EPS15: variants seen among roughly 807,000 people sequenced by gnomAD.
The protein encoded by EPS15 is epidermal growth factor receptor pathway substrate 15.
A neutral mutation model predicts 113.8 loss-of-function variants in EPS15; 72 were observed. The ratio of observed to expected loss-of-function variants is 0.63; its 90% CI spans 0.52 to 0.77. EPS15 has a LOEUF of 0.77. EPS15 is among the 30% of genes least tolerant of loss of function. The pLI is 0.00. For synonymous variants in EPS15, 344 were observed against 363.4 expected, an observed-to-expected ratio of 0.95 and a Z score of 0.61; for missense variants, 1,048 against 1,045.8, an observed-to-expected ratio of 1.00 and a Z score of -0.03.
intron 7 of EPS15, among the ~76,000 whole-genome samples, chr1:51,462,358 C>A (rs1654520239): frequency 1.4e-5 from 2 of 144,228 alleles, no homozygotes. Flanking sequence ...TGCTAAAATC[C>A]ATCTCAAAAA....
intron 8 of EPS15, among the ~76,000 whole-genome samples, chr1:51,452,417 T>C (rs2148488896): frequency 6.6e-6 from 1 of 152,266 alleles, no homozygotes; most frequent in East Asian, 1.9e-4. Context: ...CAAGTAGCTG[T>C]GACTACATGC....
intron 8 of EPS15, among the ~76,000 whole-genome samples, chr1:51,452,329 C>G (rs1192177877): frequency 6.6e-6 from 1 of 152,126 alleles, no homozygotes; most frequent in African/African-American, 2.4e-5. Context: ...GTTGCCCAGG[C>G]TGGAATGCAG....
At chr1:51,511,416 A>G (rs1446304268) in intron 1 of EPS15, among the ~76,000 whole-genome samples, 1 of 151,738 alleles carries the variant, frequency 6.6e-6, no homozygotes, top group African/African-American at 2.4e-5. Flanking sequence ...GAATTGCTTG[A>G]ACCCAGGGGT....
rs78009425 is a variant in EPS15, at chr1:51,505,826, C to G, written c.33+13373G>C. On this transcript the variant is annotated intron_variant, in intron 1 of 24. Transcript: ENST00000371733. Reference sequence around the variant, plus strand: ...TTATTTATTTTTTGAGATGGAGTCTCTGTCATCCAGGCTGGAGTGCAATGG... The same window carrying G: ...TTATTTATTTTTTGAGATGGAGTCTGTGTCATCCAGGCTGGAGTGCAATGG... 8.5e-3 allele frequency among the ~76,000 whole-genome samples: 1,289 copies of G among 152,062 alleles called. 16 individuals are homozygous for G. Among genetic ancestry groups the G allele is most frequent in the African/African-American group, 0.03 (1,238 of 41,530 alleles).
intron 1 of EPS15, among the ~76,000 whole-genome samples, chr1:51,517,996 A>G (rs1644756513): frequency 6.6e-6 from 1 of 152,208 alleles, no homozygotes; most frequent in African/African-American, 2.4e-5. Context: ...CCTTAGAAGC[A>G]CCGACGAATC....
At chr1:51,461,903 C>T (rs1654479609) in intron 7 of EPS15, 1 of 152,134 alleles carries the variant, frequency 6.6e-6, no homozygotes, top group African/African-American at 2.4e-5. Flanking sequence ...CAGGACTTAA[C>T]ATTCATTATC....
intron 12 of EPS15, among the ~76,000 whole-genome samples, chr1:51,429,821 T>G (rs980866249): frequency 6.6e-6 from 1 of 152,052 alleles, no homozygotes; most frequent in African/African-American, 2.4e-5. Context: ...TGGCTAATTT[T>G]TGTATTTTTA....
At chr1:51,415,442 TA>T (rs1650114585) in intron 13 of EPS15, among the ~76,000 whole-genome samples, 1 of 152,140 alleles carries the variant, frequency 6.6e-6, no homozygotes, top group African/African-American at 2.4e-5. Flanking sequence ...ACGATGTCCA[TA>T]TTAAAATTCA....
intron 21 of EPS15, among the ~76,000 whole-genome samples, chr1:51,374,729 G>C (rs1437783841): frequency 6.6e-6 from 1 of 152,096 alleles, no homozygotes; most frequent in Non-Finnish European, 1.5e-5. Context: ...TCAATGTGAG[G>C]CAAAATATTT....
chr1:51,491,895 C>A (rs531033575), intron 1 of EPS15, among the ~76,000 whole-genome samples: 1 of 144,158 alleles, frequency 6.9e-6, no homozygotes, highest in African/African-American at 2.7e-5. Context: ...CAGAGTGTTG[C>A]CCAGTCTGTT....
At chr1:51,427,827 A>C (rs1651356792) in intron 12 of EPS15, among the ~76,000 whole-genome samples, 1 of 152,318 alleles carries the variant, frequency 6.6e-6, no homozygotes, top group East Asian at 1.9e-4. Context: ...CAGCAGTAAG[A>C]AGCAGACTAA....
At chr1:51,381,908 A>G (rs992417138) in intron 21 of EPS15, among the ~76,000 whole-genome samples, 4 of 152,186 alleles carry the variant, frequency 2.6e-5, no homozygotes, top group Non-Finnish European at 5.9e-5. Flanking sequence ...CTAAAAAAAG[A>G]AAAGCAAGCT....
rs576745571 is a variant in EPS15 at position 51,457,159 on chromosome 1, C to T, written c.561+3932G>A. Among the ~76,000 whole-genome samples the T allele has an allele frequency of 6.6e-5, 10 of 152,040 alleles. No homozygotes were observed. The South Asian group carries it at 1.5e-3, about 22-fold the overall frequency. On this transcript the variant is annotated intron_variant, in intron 8 of 24. Coordinates refer to ENST00000371733, the MANE Select transcript of EPS15 (RefSeq NM_001981.3). ...AAAATTAGCCAGGCGTGGTGGCGGG[C>T]GCCTGTAGTCCCAGCTACTCAGGAG... is the stretch of plus-strand genomic sequence containing the variant.
At chr1:51,364,683 G>C (rs994474786) in intron 22 of EPS15, among the ~76,000 whole-genome samples, 1 of 151,796 alleles carries the variant, frequency 6.6e-6, no homozygotes, top group Admixed American at 6.6e-5. Flanking sequence ...TTATTTTGTA[G>C]AGATGGAGTT....
At chr1:51,455,322 A>G (rs141246049) in intron 8 of EPS15, among the ~76,000 whole-genome samples, 9,442 of 152,216 alleles carry the variant, frequency 0.062, 312 homozygotes, top group Non-Finnish European at 0.075. Flanking sequence ...GGGCACGGTG[A>G]CTCACACCTG....
chr1:51,371,350 C>T (rs1364857293), intron 21 of EPS15, among the ~76,000 whole-genome samples: 1 of 152,148 alleles, frequency 6.6e-6, no homozygotes, highest in African/African-American at 2.4e-5. Flanking sequence ...ATGTGTTTGA[C>T]TGCCCCCAAA....
chr1:51,504,895 T>C (rs1300012094), intron 1 of EPS15, among the ~76,000 whole-genome samples: 1 of 151,878 alleles, frequency 6.6e-6, no homozygotes, highest in Non-Finnish European at 1.5e-5. Context: ...CCGAAGCGGG[T>C]GGATCACTTG....
intron 12 of EPS15, among the ~76,000 whole-genome samples, chr1:51,422,770 G>A (rs1024185449): frequency 6.6e-6 from 1 of 152,212 alleles, no homozygotes; most frequent in African/African-American, 2.4e-5. Flanking sequence ...TCTACAAAAT[G>A]AGAGAAAAAG....
chr1:51,456,360 G>C (rs536953077), intron 8 of EPS15, among the ~76,000 whole-genome samples: 1 of 151,916 alleles, frequency 6.6e-6, no homozygotes, highest in Non-Finnish European at 1.5e-5. Flanking sequence ...GCAGACACGG[G>C]GTCTTTAAAA....
Sources: gnomAD v4.1 joint callset for allele counts (sites outside exome capture counted in the v4.1 genomes callset) on GRCh38, gnomAD v4.1.1 for gene constraint, MANE v1.5 for transcripts, NCBI Gene and HGNC (gene_info 2026-07-23, HGNC 2026-07-21) for gene names.